Variants in EPM2A observed in about 807,000 individuals in gnomAD.
EPM2A encodes the protein EPM2A glucan phosphatase, laforin.
A neutral mutation model predicts 26.5 loss-of-function variants in EPM2A; 21 were observed. The observed-to-expected ratio is 0.79, with a 90% CI of 0.56 to 1.14. EPM2A has a LOEUF of 1.14. Ranked by LOEUF, EPM2A falls within the 50% of genes most tolerant of loss-of-function variation. The pLI is 0.00. For missense variants in EPM2A, 458 were observed against 440.8 expected, an observed-to-expected ratio of 1.04 and a Z score of -0.35; for synonymous variants, 217 against 177.6, an observed-to-expected ratio of 1.22 and a Z score of -1.76.
At chr6:145,460,739 A>T (rs1298470914) in intron 4 of EPM2A, among the ~76,000 whole-genome samples, 1 of 152,160 alleles carries the variant, frequency 6.6e-6, no homozygotes, top group African/African-American at 2.4e-5. Context: ...GAATGTTAGG[A>T]TACACTACTT....
At chr6:145,501,332 G>C (rs537460840), downstream of EPM2A, among the ~76,000 whole-genome samples, 1 of 152,202 alleles carries the variant, frequency 6.6e-6, no homozygotes. Flanking sequence ...ACAGAATGTT[G>C]TATAAAATAC....
At chr6:145,617,411 C>T (rs1775540048) in intron 2 of EPM2A, among the ~76,000 whole-genome samples, 1 of 152,090 alleles carries the variant, frequency 6.6e-6, no homozygotes, top group Non-Finnish European at 1.5e-5. Flanking sequence ...CAGACTAATA[C>T]AAAGAGGATA....
At chr6:145,605,436 C>T (rs1775222444) in intron 2 of EPM2A, among the ~76,000 whole-genome samples, 1 of 152,116 alleles carries the variant, frequency 6.6e-6, no homozygotes, top group African/African-American at 2.4e-5. Flanking sequence ...TATAACACAA[C>T]AGTGTACTTC....
At position 145,506,678 on chromosome 6, in the gene EPM2A, C is replaced by T. The variant is rs1224847420; in HGVS notation, c.341-4103G>A. Among the ~76,000 whole-genome samples the T allele has an allele frequency of 2.6e-5, 4 of 152,228 alleles. No individual in the cohort carries two copies. The East Asian group carries it at 5.8e-4, about 22-fold the overall frequency. On this transcript the variant is annotated intron_variant, in intron 2 of 3. Coordinates refer to the EPM2A transcript ENST00000450221. The stretch of plus-strand genomic sequence containing the variant: ...GAAAATACAAAGAAAATAAGTCACC[C>T]TGTAAGCAGAGGTTGTATCTGGGTC...
At chr6:145,541,417 A>C (rs1487617755) in intron 2 of EPM2A, among the ~76,000 whole-genome samples, 1 of 151,832 alleles carries the variant, frequency 6.6e-6, no homozygotes, top group African/African-American at 2.4e-5. Flanking sequence ...AAATAAATGA[A>C]AATACTTTGG....
intron 2 of EPM2A, chr6:145,637,478 T>C (rs1281623345): frequency 6.6e-6 from 1 of 152,176 alleles, no homozygotes; most frequent in Non-Finnish European, 1.5e-5. Flanking sequence ...CAACTTTTTT[T>C]TTTTTTCTAC....
chr6:145,419,209 C>T (rs529275163), intron 4 of EPM2A, among the ~76,000 whole-genome samples: 2 of 140,378 alleles, frequency 1.4e-5, no homozygotes, highest in South Asian at 2.7e-4. Context: ...TCCCCAGCAG[C>T]GCATGGCCTC....
At chr6:145,579,887 A>C (rs900971233) in intron 2 of EPM2A, among the ~76,000 whole-genome samples, 1 of 152,092 alleles carries the variant, frequency 6.6e-6, no homozygotes, top group African/African-American at 2.4e-5. Context: ...GGTTTATATT[A>C]GTTATCTCTA....
chr6:145,527,943 A>G (rs1780301050), intron 2 of EPM2A, among the ~76,000 whole-genome samples: 1 of 152,166 alleles, frequency 6.6e-6, no homozygotes, highest in South Asian at 2.1e-4. Context: ...GAACACGCAA[A>G]TAACAAAAAA....
chr6:145,694,190 A>C (rs1320200598), intron 1 of EPM2A, among the ~76,000 whole-genome samples: 1 of 151,992 alleles, frequency 6.6e-6, no homozygotes, highest in Non-Finnish European at 1.5e-5. Flanking sequence ...TTTCATTTCT[A>C]GCATATGAAC....
At chr6:145,728,213 C>T (rs901814133) in intron 1 of EPM2A, among the ~76,000 whole-genome samples, 5 of 152,158 alleles carry the variant, frequency 3.3e-5, no homozygotes, top group African/African-American at 4.8e-5. Context: ...CTGACTAATA[C>T]AGAAAACTGG....
intron 1 of EPM2A, among the ~76,000 whole-genome samples, chr6:145,700,737 A>G (rs1459094028): frequency 6.6e-6 from 1 of 152,156 alleles, no homozygotes; most frequent in Non-Finnish European, 1.5e-5. Flanking sequence ...ATTCCATCCT[A>G]ACCCAGCTAG....
At chr6:145,528,801 A>G (rs995125796) in intron 2 of EPM2A, among the ~76,000 whole-genome samples, 4 of 152,164 alleles carry the variant, frequency 2.6e-5, no homozygotes, top group African/African-American at 7.2e-5. Flanking sequence ...GTTGCCTTAA[A>G]TGGTGATTCC....
chr6:145,718,674 G>T (rs1775779126), intron 1 of EPM2A, among the ~76,000 whole-genome samples: 1 of 152,058 alleles, frequency 6.6e-6, no homozygotes, highest in Non-Finnish European at 1.5e-5. Context: ...CCATCAGAGT[G>T]AAACAGGCAA....
intron 4 of EPM2A, among the ~76,000 whole-genome samples, chr6:145,391,355 T>A (rs1778334745): frequency 6.6e-6 from 1 of 152,158 alleles, no homozygotes; most frequent in Non-Finnish European, 1.5e-5. Flanking sequence ...GACCATGGAA[T>A]AATTGGTGCC....
intron 3 of EPM2A, 129 bp from the exon 4 acceptor site, chr6:145,627,822 T>G: frequency 1.5e-6 from 2 of 1,336,312 alleles, no homozygotes; most frequent in Non-Finnish European, 2.0e-6. Flanking sequence ...GAGTTTGCTT[T>G]CTTTCTGCAT....
chr6:145,495,678 A>T (rs1262461502), intron 4 of EPM2A, among the ~76,000 whole-genome samples: 2 of 152,138 alleles, frequency 1.3e-5, no homozygotes, highest in African/African-American at 4.8e-5. Flanking sequence ...CCTGGGTTCA[A>T]GCAATTCTCA....
At chr6:145,442,405 G>A (rs1384777248) in intron 4 of EPM2A, among the ~76,000 whole-genome samples, 1 of 152,196 alleles carries the variant, frequency 6.6e-6, no homozygotes, top group Non-Finnish European at 1.5e-5. Context: ...CCATGTGGCT[G>A]AGGAAGCCTC....
chr6:145,404,513 G>T (rs188302696), intron 4 of EPM2A, among the ~76,000 whole-genome samples: 32 of 152,026 alleles, frequency 2.1e-4, no homozygotes, highest in Non-Finnish European at 4.1e-4. Context: ...ATTGAAGCTC[G>T]CCCTTCATTC....
Sources: gnomAD v4.1 joint callset for allele counts (sites outside exome capture counted in the v4.1 genomes callset) on GRCh38, gnomAD v4.1.1 for gene constraint, MANE v1.5 for transcripts, NCBI Gene and HGNC (gene_info 2026-07-23, HGNC 2026-07-21) for gene names.